CTSC: variants seen among roughly 807,000 people sequenced by gnomAD.
CTSC encodes the protein dipeptidyl peptidase 1.
In CTSC, 37 loss-of-function variants were observed where a neutral mutation model predicts 40.9. The observed-to-expected ratio is 0.91, with a 90% confidence interval of 0.70 to 1.19. The LOEUF (loss-of-function observed/expected upper bound fraction) is 1.19. Among genes scored for constraint, CTSC ranks in the 50% most tolerant of loss-of-function variants. CTSC has a pLI of 0.00. For missense variants in CTSC, 594 were observed against 567.3 expected (o/e 1.05, Z -0.48); for synonymous variants, 232 against 207.4 (o/e 1.12, Z -1.02).
chr11:88,294,991 T>G (rs2134764395), intron 6 of CTSC, among the ~76,000 whole-genome samples: 1 of 152,372 alleles, frequency 6.6e-6, no homozygotes, highest in Middle Eastern at 3.4e-3. Context: ...CTTGCCGAAA[T>G]GTCTTTCCTA....
intron 4 of CTSC, among the ~76,000 whole-genome samples, chr11:88,301,803 C>A (rs1944365144): frequency 2.1e-5 from 1 of 47,654 alleles, no homozygotes; most frequent in Admixed American, 2.0e-4. Context: ...CACACAAACA[C>A]ACGCGCGCAC....
intron 4 of CTSC, among the ~76,000 whole-genome samples, chr11:88,302,467 C>CA (rs984351953): frequency 2.4e-4 from 36 of 150,194 alleles, no homozygotes; most frequent in East Asian, 2.3e-3. Context: ...ACTAAAAATA[C>CA]AAAAAAAAAT....
intron 2 of CTSC, chr11:88,324,847 G>C: frequency 2.0e-6 from 2 of 985,370 alleles, no homozygotes; most frequent in Non-Finnish European, 1.2e-6. Context: ...ATAGATAAAA[G>C]TTTCCAGGTG....
At chr11:88,294,625 C>T (rs999781113) in intron 6 of CTSC, 117 bp from the exon 7 acceptor site, 13 of 1,141,542 alleles carry the variant, frequency 1.1e-5, no homozygotes, top group Admixed American at 2.0e-5. Flanking sequence ...TTGTTCTTAG[C>T]TTAAGCATCA....
intron 2 of CTSC, 74 bp downstream of exon 2, chr11:88,334,863 A>G: frequency 9.3e-7 from 1 of 1,075,052 alleles, no homozygotes; most frequent in Non-Finnish European, 1.4e-6. Flanking sequence ...TAAAATTCTG[A>G]GGGTCTACTA....
chr11:88,327,199 G>A (rs536893760), intron 2 of CTSC, among the ~76,000 whole-genome samples: 2 of 152,318 alleles, frequency 1.3e-5, no homozygotes, highest in South Asian at 4.2e-4. Context: ...GAACATTGCT[G>A]AAGCTTAACA....
At chr11:88,308,762 T>A (rs1937688521) in intron 4 of CTSC, among the ~76,000 whole-genome samples, 1 of 151,290 alleles carries the variant, frequency 6.6e-6, no homozygotes, top group African/African-American at 2.4e-5. Flanking sequence ...ATGAACTCCA[T>A]CCCCCACGTG....
intron 3 of CTSC, among the ~76,000 whole-genome samples, chr11:88,312,158 C>A (rs1185669816): frequency 6.6e-6 from 1 of 152,144 alleles, no homozygotes; most frequent in Non-Finnish European, 1.5e-5. Flanking sequence ...TGGTCCATTA[C>A]ATGATTTCAT....
Position 88,294,332 on chromosome 11 carries a change from TG to T in CTSC, c.1065del (p.Cys355Ter). The T allele has an allele frequency of 6.2e-7, 1 of 1,614,172 alleles. No homozygotes were observed. Among genetic ancestry groups the T allele is most frequent in the Non-Finnish European group, 8.5e-7 (1 of 1,180,022 alleles). On this transcript the variant is annotated frameshift_variant, in exon 7 of 7. Coordinates refer to ENST00000227266, the MANE Select transcript of CTSC (RefSeq NM_001814.6). LOFTEE classifies it high-confidence loss of function. ...YHYVGGFYGGCNEALMKLELV... is the reference protein window; with the variant it reads ...YHYVGGFYGGXNEALMKLELV... ...AACTCAAGCTTCATCAGGGCTTCAT[TG>T]CAGCCTCCATAGAAACCTCCTACAT...
At chr11:88,317,283 A>T (rs1937901577) in intron 2 of CTSC, among the ~76,000 whole-genome samples, 1 of 152,188 alleles carries the variant, frequency 6.6e-6, no homozygotes, top group Non-Finnish European at 1.5e-5. Flanking sequence ...TTTAATATTC[A>T]TAAAGCCAGT....
chr11:88,301,756 G>A (rs1178863544), intron 4 of CTSC, among the ~76,000 whole-genome samples: 1 of 151,738 alleles, frequency 6.6e-6, no homozygotes, highest in Non-Finnish European at 1.5e-5. Context: ...CAGCTTCTCT[G>A]TATTAGCGAT....
At chr11:88,309,525 A>G (rs948858628) in intron 3 of CTSC, among the ~76,000 whole-genome samples, 1 of 152,172 alleles carries the variant, frequency 6.6e-6, no homozygotes, top group Non-Finnish European at 1.5e-5. Flanking sequence ...ATGTATAAGG[A>G]TTTTCCATGA....
intron 2 of CTSC, among the ~76,000 whole-genome samples, chr11:88,314,488 T>C (rs556124681): frequency 6.6e-6 from 1 of 152,210 alleles, no homozygotes; most frequent in Non-Finnish European, 1.5e-5. Flanking sequence ...TACTCTGGGC[T>C]ACTCATATCC....
intron 2 of CTSC, among the ~76,000 whole-genome samples, chr11:88,329,716 TTGTG>T (rs375785395): frequency 6.6e-6 from 1 of 151,758 alleles, no homozygotes; most frequent in Non-Finnish European, 1.5e-5. Context: ...TGTTGTTACA[TTGTG>T]TGTGTGTGTG....
chr11:88,329,288 T>C (rs1246896590), intron 2 of CTSC, among the ~76,000 whole-genome samples: 1 of 151,350 alleles, frequency 6.6e-6, no homozygotes, highest in Non-Finnish European at 1.5e-5. Flanking sequence ...TCAAGACCAG[T>C]CTGGTCAACA....
chr11:88,320,612 T>C (rs796423650), intron 2 of CTSC, among the ~76,000 whole-genome samples: 4 of 152,324 alleles, frequency 2.6e-5, no homozygotes, highest in African/African-American at 9.6e-5. Flanking sequence ...AACATCACTG[T>C]TTTTAACTCT....
intron 2 of CTSC, among the ~76,000 whole-genome samples, chr11:88,316,501 A>AAATAAATAAATAAATGAATGAATGAATG (rs1211606419): frequency 2.4e-4 from 34 of 140,820 alleles, no homozygotes; most frequent in African/African-American, 7.9e-4. Context: ...ATAAATAAAT[A>AAATAAATAAATAAATGAATGAATGAATG]AATGAAGCAG....
At chr11:88,296,096 A>C in intron 6 of CTSC, 37 bp downstream of exon 6, 1 of 1,611,442 alleles carries the variant, frequency 6.2e-7, no homozygotes, top group Non-Finnish European at 8.5e-7. Context: ...CACACAGGTA[A>C]ATAGCTCATA....
rs776617518 is a variant in CTSC, at chr11:88,293,984, A to T, written c.*22T>A. 17 of 1,613,158 alleles carry T rather than the reference A, an allele frequency of 1.1e-5. No homozygotes were observed. Among genetic ancestry groups the T allele is most frequent in the Non-Finnish European group, 1.4e-5 (16 of 1,179,796 alleles). ...CCCTTTACAACTGATGCAGATCATT[A>T]TGAAATACTGGAAGGCATACCCTAC... On this transcript the variant is annotated 3_prime_UTR_variant, in exon 7 of 7. Transcript: ENST00000227266.
Sources: allele counts gnomAD v4.1 joint callset (sites outside exome capture counted in the v4.1 genomes callset), GRCh38; gene constraint gnomAD v4.1.1; transcripts MANE v1.5; gene names NCBI Gene and HGNC (gene_info 2026-07-23, HGNC 2026-07-21).